TRAPPC3L: variants seen among roughly 807,000 people sequenced by gnomAD.
The protein encoded by TRAPPC3L is trafficking protein particle complex subunit 3-like protein.
Under a neutral mutation model 23.7 loss-of-function variants are expected in TRAPPC3L, and 23 were observed. The ratio of observed to expected loss-of-function variants is 0.97; its 90% CI spans 0.70 to 1.37. The LOEUF (loss-of-function observed/expected upper bound fraction) is 1.37. Among genes scored for constraint, TRAPPC3L ranks in the 40% most tolerant of loss-of-function variants. TRAPPC3L has a pLI of 0.00. For synonymous variants in TRAPPC3L, 81 were observed against 77.9 expected, an observed-to-expected ratio of 1.04 and a Z score of -0.21; for missense variants, 212 against 216.8, an observed-to-expected ratio of 0.98 and a Z score of 0.14.
At position 116,497,731 on chromosome 6, in the gene TRAPPC3L, C is replaced by T. The variant is rs145741141; in HGVS notation, c.427-658G>A. On this transcript the variant is annotated intron_variant, in intron 4 of 4. Transcript: ENST00000368602. ...TCATTAAAATGTGTCCACATAAGAG[C>T]AGCATGATATTGCTGACCTACCCCC... Among the ~76,000 whole-genome samples the T allele has an allele frequency of 2.4e-3, 360 of 152,166 alleles. 1 individual carries two copies. Among genetic ancestry groups the T allele is most frequent in the African/African-American group, 8.2e-3 (341 of 41,508 alleles).
At chr6:116,507,224 A>G (rs554524197) in intron 3 of TRAPPC3L, among the ~76,000 whole-genome samples, 1 of 152,266 alleles carries the variant, frequency 6.6e-6, no homozygotes, top group Non-Finnish European at 1.5e-5. Context: ...TGATACTAGC[A>G]AAGTATAAAA....
intron 3 of TRAPPC3L, among the ~76,000 whole-genome samples, chr6:116,510,019 C>T (rs745981114): frequency 9.9e-5 from 15 of 152,050 alleles, no homozygotes; most frequent in Non-Finnish European, 2.2e-4. Context: ...GAGCAAATGA[C>T]ATCAATAGAC....
At position 116,543,665 on chromosome 6, in the gene TRAPPC3L, A is replaced by G. The variant is rs540038158; in HGVS notation, c.43-265T>C. On this transcript the variant is annotated intron_variant, in intron 1 of 4. Transcript: ENST00000368602. ...ATCTTTCTATGCATTTGCTTACATG[A>G]TAACTTGCAATGTATTTTCATGGAG... is the stretch of plus-strand genomic sequence containing the variant. The G allele has an allele frequency of 8.9e-5, 65 of 727,198 alleles. No individual in the cohort carries two copies. The African/African-American group carries it at 1.1e-3, about 12-fold the overall frequency. 45.0% of individuals were successfully genotyped at this position (727,198 alleles called of 1,614,324 possible). A position where few individuals can be genotyped will look rare whatever the true frequency, so the allele number is the denominator to read the frequency against.
At chr6:116,511,290 A>C (rs1772114085) in intron 3 of TRAPPC3L, among the ~76,000 whole-genome samples, 3 of 151,542 alleles carry the variant, frequency 2.0e-5, no homozygotes, top group Admixed American at 2.0e-4. Flanking sequence ...AACATTCATA[A>C]AATTCTAGGT....
intron 3 of TRAPPC3L, among the ~76,000 whole-genome samples, chr6:116,501,204 G>A (rs1464169394): frequency 6.6e-6 from 1 of 152,202 alleles, no homozygotes; most frequent in Non-Finnish European, 1.5e-5. Context: ...GCCTGTGACT[G>A]GCTCAGCAGG....
intron 3 of TRAPPC3L, chr6:116,515,935 C>G (rs1772216097): frequency 2.5e-6 from 4 of 1,612,906 alleles, no homozygotes; most frequent in Non-Finnish European, 2.5e-6. Flanking sequence ...TGCAACTTAG[C>G]CCTGAGGATG....
chr6:116,513,564 A>AGCACACTG (rs2115166106), intron 3 of TRAPPC3L, among the ~76,000 whole-genome samples: 1 of 152,330 alleles, frequency 6.6e-6, no homozygotes, highest in East Asian at 1.9e-4. Flanking sequence ...GCTTAGGCTG[A>AGCACACTG]GCACACTGAC....
chr6:116,502,509 C>A (rs1425531620), intron 3 of TRAPPC3L, among the ~76,000 whole-genome samples: 1 of 152,150 alleles, frequency 6.6e-6, no homozygotes, highest in African/African-American at 2.4e-5. Context: ...CATTCAAATT[C>A]AGGAAATACA....
intron 3 of TRAPPC3L, among the ~76,000 whole-genome samples, chr6:116,539,264 T>A (rs531585983): frequency 6.6e-6 from 1 of 152,346 alleles, no homozygotes; most frequent in Admixed American, 6.5e-5. Flanking sequence ...CTTACTTATA[T>A]TCTGACAATA....
In TRAPPC3L at chr6:116,501,934, G is replaced by C. The variant is rs551948389; in HGVS notation, c.241-1268C>G. ...CATGGGGAGAAACCAGAGCAGAAAA[G>C]CTGAAAATTCCAAAAACCAGAACAC... On this transcript the variant is annotated intron_variant, in intron 3 of 4. Coordinates refer to ENST00000368602, the MANE Select transcript of TRAPPC3L (RefSeq NM_001139444.3). Among the ~76,000 whole-genome samples the C allele has an allele frequency of 3.3e-5, 5 of 152,300 alleles. No homozygotes were observed. The South Asian group carries it at 1.0e-3, about 32-fold the overall frequency.
intron 3 of TRAPPC3L, among the ~76,000 whole-genome samples, chr6:116,509,623 A>G (rs1418318283): frequency 6.6e-6 from 1 of 152,198 alleles, no homozygotes; most frequent in East Asian, 1.9e-4. Context: ...GGATAGCAAC[A>G]TGTACAGGAA....
intron 3 of TRAPPC3L, among the ~76,000 whole-genome samples, chr6:116,525,611 A>G (rs1212786481): frequency 6.6e-6 from 1 of 152,214 alleles, no homozygotes; most frequent in East Asian, 1.9e-4. Context: ...CAACAATGCC[A>G]GAGAGAAATC....
At chr6:116,538,738 T>C (rs974962774) in intron 3 of TRAPPC3L, among the ~76,000 whole-genome samples, 6 of 151,546 alleles carry the variant, frequency 4.0e-5, no homozygotes, top group South Asian at 2.1e-4. Flanking sequence ...TTCTTTCTTT[T>C]TTTTTTTTTT....
intron 3 of TRAPPC3L, among the ~76,000 whole-genome samples, chr6:116,529,395 G>A (rs530410075): frequency 2.8e-4 from 43 of 152,314 alleles, no homozygotes; most frequent in African/African-American, 8.9e-4. Context: ...AACTAACAGA[G>A]TCACAACTGT....
At chr6:116,515,636 T>G (rs1428686542) in intron 3 of TRAPPC3L, 1 of 1,613,326 alleles carries the variant, frequency 6.2e-7, no homozygotes, top group Non-Finnish European at 8.5e-7. Context: ...AGCGTCTTTC[T>G]TCTCTCTGCT....
At chr6:116,523,736 C>T (rs927955292) in intron 3 of TRAPPC3L, 1 of 152,104 alleles carries the variant, frequency 6.6e-6, no homozygotes, top group Admixed American at 6.5e-5. Context: ...TAAACCTAAT[C>T]AAGTATTTAG....
chr6:116,540,506 T>C (rs1375608769), intron 2 of TRAPPC3L, 44 bp from the exon 3 acceptor site: 2 of 1,525,238 alleles, frequency 1.3e-6, no homozygotes, highest in South Asian at 2.4e-5. Flanking sequence ...TCTAAGAAAT[T>C]AGTGAAGTCT....
intron 3 of TRAPPC3L, chr6:116,528,929 A>T (rs1772533292): frequency 6.6e-6 from 1 of 152,248 alleles, no homozygotes; most frequent in East Asian, 1.9e-4. Context: ...GGCTTATCTG[A>T]TAAGTTTCCT....
At chr6:116,522,617 T>C (rs1458918377) in intron 3 of TRAPPC3L, 1 of 152,228 alleles carries the variant, frequency 6.6e-6, no homozygotes, top group Non-Finnish European at 1.5e-5. Context: ...TTATTTTTGG[T>C]TAATTTTTGT....
Sources: allele counts gnomAD v4.1 joint callset (sites outside exome capture counted in the v4.1 genomes callset), GRCh38; gene constraint gnomAD v4.1.1; transcripts MANE v1.5; gene names NCBI Gene and HGNC (gene_info 2026-07-23, HGNC 2026-07-21).